The following ARHGEF12 variants were observed in gnomAD, a reference collection of about 807,000 sequenced individuals.
The protein encoded by ARHGEF12 is Rho guanine nucleotide exchange factor 12.
A neutral mutation model predicts 211.2 loss-of-function variants in ARHGEF12; 66 were observed. The observed-to-expected ratio is 0.31, with a 90% CI of 0.26 to 0.38. The LOEUF is 0.38. ARHGEF12 is among the 10% of genes least tolerant of loss of function. The pLI is 1.00. For synonymous variants in ARHGEF12, 592 were observed against 638.4 expected, an observed-to-expected ratio of 0.93 and a Z score of 1.09; for missense variants, 1,429 against 1,869.5, an observed-to-expected ratio of 0.76 and a Z score of 4.34.
intron 1 of ARHGEF12, among the ~76,000 whole-genome samples, chr11:120,383,995 T>A (rs1943954634): frequency 6.6e-6 from 1 of 152,150 alleles, no homozygotes; most frequent in Non-Finnish European, 1.5e-5. Context: ...CAACACAGGC[T>A]TTGACATATG....
chr11:120,344,711 A>G (rs1041550372), intron 1 of ARHGEF12, among the ~76,000 whole-genome samples: 6 of 152,190 alleles, frequency 3.9e-5, no homozygotes, highest in Non-Finnish European at 7.3e-5. Flanking sequence ...ATGATGTATT[A>G]TTATATCACT....
intron 1 of ARHGEF12, among the ~76,000 whole-genome samples, chr11:120,348,046 A>G (rs1323471629): frequency 6.6e-6 from 1 of 152,210 alleles, no homozygotes; most frequent in East Asian, 1.9e-4. Flanking sequence ...ATATTAAAGT[A>G]GTCTTTATAG....
chr11:120,407,967 C>A, intron 3 of ARHGEF12, 144 bp downstream of exon 3: 1 of 636,078 alleles, frequency 1.6e-6, no homozygotes, highest in Non-Finnish European at 2.6e-6. Context: ...ATAATAAAGC[C>A]TTTGCATTTA....
intron 31 of ARHGEF12, 75 bp downstream of exon 31, chr11:120,473,202 A>C (rs1407763449): frequency 6.1e-6 from 8 of 1,312,480 alleles, no homozygotes; most frequent in Non-Finnish European, 8.7e-6. Flanking sequence ...TTAACATCTC[A>C]GTGGGAATAT....
intron 3 of ARHGEF12, chr11:120,408,465 T>A (rs1213441318): frequency 6.6e-6 from 1 of 152,130 alleles, no homozygotes; most frequent in Non-Finnish European, 1.5e-5. Flanking sequence ...TACTCCATAT[T>A]TGATTCATAG....
chr11:120,488,402 C>G lies in ARHGEF12; in HGVS notation c.*3325C>G, dbSNP rs1037563304. The G allele has an allele frequency of 6.0e-5, 13 of 216,500 alleles. No individual in the cohort carries two copies. Among genetic ancestry groups the G allele is most frequent in the Non-Finnish European group, 1.1e-4 (12 of 107,586 alleles). 13.4% of individuals were successfully genotyped at this position (216,500 alleles called of 1,614,324 possible). ...TTAGCAGGGCCTCACAGTCAGCTTCCTCATGGCTAGTTTTTCCCCCTTATA... is the reference window on the plus strand; with the variant it reads ...TTAGCAGGGCCTCACAGTCAGCTTCGTCATGGCTAGTTTTTCCCCCTTATA... On this transcript the variant is annotated 3_prime_UTR_variant, in exon 41 of 41. Coordinates refer to ENST00000397843, the MANE Select transcript of ARHGEF12 (RefSeq NM_015313.3).
rs774248902 is a variant in ARHGEF12, at chr11:120,478,265, G to A, written c.3642G>A (p.Gln1214=). The change falls in exon 37 of 41, where the codon CAG becomes CAA. Residue 1214 remains glutamine (Q), a synonymous_variant. Transcript: ENST00000397843. The part of the protein sequence containing the change: ...EVRDLFVAER[Q]FAKEQHTDGT... Reference sequence around the variant, plus strand: ...GTGATCTGTTTGTGGCTGAGAGACAGTTTGCAAAGGAACAACATACAGATG... The same window carrying A: ...GTGATCTGTTTGTGGCTGAGAGACAATTTGCAAAGGAACAACATACAGATG... 6 of 1,614,198 alleles carry A rather than the reference G, an allele frequency of 3.7e-6. No individual in the cohort carries two copies. The South Asian group carries it at 6.6e-5, about 18-fold the overall frequency.
chr11:120,480,096 A>G lies in ARHGEF12; in HGVS notation c.3903A>G (p.Glu1301=). ...CAGACAGTGTCATCCAGAACTCTGAAAATATTAAGGCCTATCATTCTGGTG... is the reference window on the plus strand; with the variant it reads ...CAGACAGTGTCATCCAGAACTCTGAGAATATTAAGGCCTATCATTCTGGTG... ...PQTDSVIQNS[E]NIKAYHSGEG... The change falls in exon 38 of 41, where the codon GAA becomes GAG. Residue 1301 remains glutamate, a synonymous_variant. Coordinates refer to ENST00000397843, the MANE Select transcript of ARHGEF12 (RefSeq NM_015313.3). The G allele has an allele frequency of 1.2e-6, 2 of 1,614,190 alleles. No homozygotes were observed. The highest frequency in any genetic ancestry group is 1.7e-6 in the Non-Finnish European group (2 of 1,180,012).
rs1023830262 is a variant in ARHGEF12, at chr11:120,488,227, C to T, written c.*3150C>T. The T allele has an allele frequency of 9.3e-6, 2 of 215,124 alleles. No individual in the cohort carries two copies. Among genetic ancestry groups the T allele is most frequent in the Non-Finnish European group, 1.9e-5 (2 of 106,806 alleles). 13.3% of individuals were successfully genotyped at this position (215,124 alleles called of 1,614,324 possible). On this transcript the variant is annotated 3_prime_UTR_variant, in exon 41 of 41. Coordinates refer to ENST00000397843, the MANE Select transcript of ARHGEF12 (RefSeq NM_015313.3). The stretch of plus-strand genomic sequence containing the variant: ...TGATGTTAGTAAATTTGGTGTAATA[C>T]GTGGGGCTTCCATATTTCAAAGTGG...
At position 120,480,097 on chromosome 11, in the gene ARHGEF12, A is replaced by G. The variant is rs1947185872; in HGVS notation, c.3904A>G (p.Asn1302Asp). ...QTDSVIQNSENIKAYHSGEGH... is the reference protein window; with the variant it reads ...QTDSVIQNSEDIKAYHSGEGH... ...AGACAGTGTCATCCAGAACTCTGAA[A>G]ATATTAAGGCCTATCATTCTGGTGA... Residue 1302 changes from asparagine (N) to aspartate (D), a missense_variant, in exon 38 of 41, where the codon AAT becomes GAT. By Grantham distance (23) the Asn-to-Asp change is conservative (BLOSUM62 1). This residue lies in a region of ARHGEF12 where 467 missense variants were observed against 468.4 expected (regional missense o/e 1.00). Transcript: ENST00000397843. 1 of 1,614,226 alleles carries G rather than the reference A, an allele frequency of 6.2e-7. No homozygotes were observed. Among genetic ancestry groups the G allele is most frequent in the African/African-American group, 1.3e-5 (1 of 75,056 alleles).
intron 1 of ARHGEF12, among the ~76,000 whole-genome samples, chr11:120,389,500 A>G (rs1330088898): frequency 1.3e-5 from 2 of 152,132 alleles, no homozygotes; most frequent in East Asian, 1.9e-4. Context: ...AAGTGTATGT[A>G]TTTATGGATT....
chr11:120,356,037 G>T (rs975801729), intron 1 of ARHGEF12, among the ~76,000 whole-genome samples: 1 of 152,120 alleles, frequency 6.6e-6, no homozygotes, highest in Non-Finnish European at 1.5e-5. Flanking sequence ...TGGAAAAATG[G>T]CCTAATCCAT....
chr11:120,407,048 T>G (rs1944726281), intron 2 of ARHGEF12, among the ~76,000 whole-genome samples: 1 of 152,276 alleles, frequency 6.6e-6, no homozygotes, highest in Non-Finnish European at 1.5e-5. Context: ...ATGTCATTCC[T>G]AATTATTATA....
chr11:120,396,905 A>G (rs530188014), intron 1 of ARHGEF12, among the ~76,000 whole-genome samples: 107 of 152,328 alleles, frequency 7.0e-4, no homozygotes, highest in African/African-American at 2.5e-3. Flanking sequence ...CCCAATTAGG[A>G]CTGCTTTCAT....
intron 1 of ARHGEF12, among the ~76,000 whole-genome samples, chr11:120,354,417 G>C (rs888702095): frequency 6.6e-6 from 1 of 152,168 alleles, no homozygotes; most frequent in African/African-American, 2.4e-5. Context: ...CTAGGAAGGA[G>C]AGAGACCATG....
At position 120,478,189 on chromosome 11, in the gene ARHGEF12, C is replaced by T. The variant is rs1947114092; in HGVS notation, c.3566C>T (p.Ser1189Leu). Reference protein sequence around the residue: ...RDLGLESTLISSKPQSHSLST... With the variant: ...RDLGLESTLILSKPQSHSLST... ...TTGGGATTAGAATCTACCTTAATATCGTCAAAACCTCAGTCTCATTCACTG... is the reference window on the plus strand; with the variant it reads ...TTGGGATTAGAATCTACCTTAATATTGTCAAAACCTCAGTCTCATTCACTG... Residue 1189 changes from serine (S) to leucine (L), a missense_variant, in exon 37 of 41, where the codon TCG (serine) becomes TTG (leucine). Ser to Leu is a moderately radical substitution (Grantham distance 145). Transcript: ENST00000397843. 5 of 1,613,646 alleles carry T rather than the reference C, an allele frequency of 3.1e-6. No homozygotes were observed. Among genetic ancestry groups the T allele is most frequent in the Non-Finnish European group, 3.4e-6 (4 of 1,179,836 alleles).
rs1040991818 is a variant in ARHGEF12 at position 120,465,302 on chromosome 11, C to T, written c.2679C>T (p.Phe893=). The T allele has an allele frequency of 1.1e-5, 17 of 1,614,032 alleles. No individual in the cohort carries two copies. Among genetic ancestry groups the T allele is most frequent in the Admixed American group, 8.3e-5 (5 of 59,994 alleles). Residue 893 remains phenylalanine (F), a synonymous_variant, in exon 28 of 41, where the codon TTC becomes TTT. Coordinates refer to ENST00000397843, the MANE Select transcript of ARHGEF12 (RefSeq NM_015313.3). The part of the protein sequence containing the change: ...AAATFCSNQP[F]ALEMIKSRQK... ...CTACCTTTTGCAGTAACCAACCTTTCGCCCTGGAAATGATCAAATCTCGTC... is the reference window on the plus strand; with the variant it reads ...CTACCTTTTGCAGTAACCAACCTTTTGCCCTGGAAATGATCAAATCTCGTC...
chr11:120,347,378 C>G (rs1942800767), intron 1 of ARHGEF12, among the ~76,000 whole-genome samples: 3 of 151,404 alleles, frequency 2.0e-5, no homozygotes, highest in African/African-American at 7.3e-5. Flanking sequence ...GGTTTCATTT[C>G]TCACTGAGCC....
Position 120,458,219 on chromosome 11 carries a change from C to T in ARHGEF12, c.2365C>T (p.Gln789Ter). The part of the protein sequence containing the change: ...LGLKPCEIKR[Q>*]EVINELFYTE... ...ACTAAAACCTTGTGAAATCAAAAGA[C>T]AGGAAGTGATTAATGGTGAGTGTAA... The change falls in exon 25 of 41, where the codon CAG becomes TAG. Residue 789 changes from glutamine to a stop codon, truncating the protein, a stop_gained. Coordinates refer to ENST00000397843, the MANE Select transcript of ARHGEF12 (RefSeq NM_015313.3). LOFTEE classifies it high-confidence loss of function. 6.2e-7 allele frequency: 1 copy of T among 1,613,602 alleles called. No individual in the cohort carries two copies. The highest frequency in any genetic ancestry group is 8.5e-7 in the Non-Finnish European group (1 of 1,179,746).
Sources: allele counts gnomAD v4.1 joint callset (sites outside exome capture counted in the v4.1 genomes callset), GRCh38; gene constraint gnomAD v4.1.1; regional missense constraint gnomAD v4.1.1; transcripts MANE v1.5; gene names NCBI Gene and HGNC (gene_info 2026-07-23, HGNC 2026-07-21).